The following NAV2 variants were observed in gnomAD, a reference collection of about 807,000 sequenced individuals.
NAV2 encodes helicase, APC down-regulated 1.
NAV2 carries 54 observed loss-of-function variants against 223.2 expected under a neutral mutation model. The observed-to-expected ratio is 0.24, with a 90% CI of 0.19 to 0.30. The LOEUF (loss-of-function observed/expected upper bound fraction) is 0.30. Among genes scored for constraint, NAV2 ranks in the 10% least tolerant of loss-of-function variants. The pLI, the probability that NAV2 is intolerant of heterozygous loss-of-function variation, is 1.00. For missense variants in NAV2, 2,806 were observed against 3,147.5 expected, an observed-to-expected ratio of 0.89 and a Z score of 2.60; for synonymous variants, 1,279 against 1,239.3, an observed-to-expected ratio of 1.03 and a Z score of -0.67.
intron 1 of NAV2, among the ~76,000 whole-genome samples, chr11:19,731,731 C>T (rs1001812359): frequency 2.0e-5 from 3 of 152,184 alleles, no homozygotes; most frequent in African/African-American, 7.2e-5. Context: ...ACCTCTTGAG[C>T]CTTGATTTTC....
chr11:19,581,184 A>C (rs2135021216), intron 1 of NAV2, among the ~76,000 whole-genome samples: 2 of 152,252 alleles, frequency 1.3e-5, no homozygotes, highest in African/African-American at 4.8e-5. Flanking sequence ...TTGTTATATA[A>C]TTGCAAGTAT....
chr11:19,954,260 G>A (rs1472459162), intron 10 of NAV2, among the ~76,000 whole-genome samples: 2 of 152,186 alleles, frequency 1.3e-5, no homozygotes, highest in South Asian at 2.1e-4. Flanking sequence ...AAAACAGGAT[G>A]TAAGCATTTG....
chr11:20,034,150 A>G (rs1298628237), intron 11 of NAV2, among the ~76,000 whole-genome samples: 2 of 152,208 alleles, frequency 1.3e-5, no homozygotes, highest in African/African-American at 4.8e-5. Flanking sequence ...GGCTCGATCA[A>G]GATCCACTCT....
intron 1 of NAV2, among the ~76,000 whole-genome samples, chr11:19,732,208 G>C (rs1235707405): frequency 6.6e-6 from 1 of 150,920 alleles, no homozygotes; most frequent in Non-Finnish European, 1.5e-5. Flanking sequence ...GCAGTGAGAC[G>C]AAATCATGCC....
At position 19,793,311 on chromosome 11, in the gene NAV2, G is replaced by T. The variant is rs150673171; in HGVS notation, c.268-39173G>T. Among the ~76,000 whole-genome samples the T allele has an allele frequency of 2.6e-3, 393 of 150,622 alleles. 2 individuals carry two copies. The highest frequency in any genetic ancestry group is 9.0e-3 in the African/African-American group (369 of 41,096). On this transcript the variant is annotated intron_variant, in intron 1 of 37. Transcript: ENST00000349880. ...GCATGTATCACAACAGCTGATTATT[G>T]TCAAGTTTGAAGATGTCTTTTGTTT...
intron 1 of NAV2, among the ~76,000 whole-genome samples, chr11:19,603,296 C>T (rs1173840695): frequency 3.3e-5 from 5 of 152,088 alleles, no homozygotes; most frequent in Non-Finnish European, 5.9e-5. Flanking sequence ...GTTATAAACA[C>T]CCACTATGTG....
At chr11:19,547,901 A>C (rs1834353427) in intron 1 of NAV2, among the ~76,000 whole-genome samples, 1 of 152,238 alleles carries the variant, frequency 6.6e-6, no homozygotes, top group Non-Finnish European at 1.5e-5. Context: ...CAGTCTGGAT[A>C]GTAAATGTTT....
chr11:19,434,012 G>A (rs922461681), intron 1 of NAV2, among the ~76,000 whole-genome samples: 1 of 152,138 alleles, frequency 6.6e-6, no homozygotes, highest in African/African-American at 2.4e-5. Flanking sequence ...GGAAGTGTAG[G>A]TGCCAGGCTT....
intron 1 of NAV2, among the ~76,000 whole-genome samples, chr11:19,655,187 A>G (rs1208944334): frequency 1.3e-5 from 2 of 152,234 alleles, no homozygotes; most frequent in South Asian, 2.1e-4. Context: ...CAAAACCGCA[A>G]TGAGATACCA....
At chr11:19,997,470 C>T (rs1352361625) in intron 11 of NAV2, among the ~76,000 whole-genome samples, 1 of 152,154 alleles carries the variant, frequency 6.6e-6, no homozygotes, top group Non-Finnish European at 1.5e-5. Flanking sequence ...ATCAGTGGTC[C>T]TAGTCTGAAT....
chr11:19,634,235 G>A (rs1009205158), intron 1 of NAV2, among the ~76,000 whole-genome samples: 6 of 152,192 alleles, frequency 3.9e-5, no homozygotes, highest in African/African-American at 9.7e-5. Context: ...TGAGGGAGGT[G>A]GCATTGAGTA....
intron 1 of NAV2, among the ~76,000 whole-genome samples, chr11:19,403,212 G>A (rs578013499): frequency 2.6e-4 from 40 of 152,334 alleles, no homozygotes; most frequent in African/African-American, 8.4e-4. Context: ...TAAACCAGCA[G>A]CCACTTATGA....
intron 10 of NAV2, 113 bp from the exon 11 acceptor site, chr11:19,984,012 G>A (rs1041798635): frequency 7.8e-5 from 109 of 1,399,082 alleles, no homozygotes; most frequent in Admixed American, 2.8e-4. Flanking sequence ...GGAATCCTCC[G>A]TTTCTTCCCC....
intron 1 of NAV2, among the ~76,000 whole-genome samples, chr11:19,618,486 CTGGATAGATGGATGGA>C (rs2046878552): frequency 8.8e-6 from 1 of 114,004 alleles, no homozygotes; most frequent in Non-Finnish European, 1.8e-5. Flanking sequence ...ATATGGCTGT[CTGGATAGATGGATGGA>C]TGGATGGATG....
chr11:19,775,444 C>T (rs909891669), intron 1 of NAV2, among the ~76,000 whole-genome samples: 3 of 152,156 alleles, frequency 2.0e-5, no homozygotes, highest in South Asian at 4.1e-4. Context: ...GCTGCATGGA[C>T]GGACACTAGG....
chr11:20,029,996 A>T (rs2153554713), intron 11 of NAV2, among the ~76,000 whole-genome samples: 1 of 152,332 alleles, frequency 6.6e-6, no homozygotes, highest in East Asian at 1.9e-4. Context: ...CAAAGAAGTC[A>T]GGTATATCTG....
chr11:20,061,441 C>T lies in NAV2; in HGVS notation c.4832-866C>T, dbSNP rs1019740439. Among the ~76,000 whole-genome samples, 17 of 152,008 alleles carry T rather than the reference C, an allele frequency of 1.1e-4. No individual in the cohort carries two copies. The South Asian group carries it at 2.7e-3, about 24-fold the overall frequency. On this transcript the variant is annotated intron_variant, in intron 19 of 37. Transcript: ENST00000349880. ...AAAACTAGCCAGGCATGGTGGCGCA[C>T]GCCTATAATCCCAGCTACTCAGGAG...
In NAV2 at chr11:19,649,851, T is replaced by C. The variant is rs115849024; in HGVS notation, c.76-182633T>C. Among the ~76,000 whole-genome samples, 264 of 152,298 alleles carry C rather than the reference T, an allele frequency of 1.7e-3. 1 individual carries two copies. Among genetic ancestry groups the C allele is most frequent in the African/African-American group, 6.2e-3 (257 of 41,566 alleles). On this transcript the variant is annotated intron_variant, in intron 1 of 37. Transcript: ENST00000360655. Reference sequence around the variant, plus strand: ...CACATGAAAAGACCCTCAGTATCATTGATAGCCAGGGAAACGCAAAGAAAA... The same window carrying C: ...CACATGAAAAGACCCTCAGTATCATCGATAGCCAGGGAAACGCAAAGAAAA...
chr11:20,050,041 G>A, intron 16 of NAV2, 140 bp downstream of exon 16: 1 of 723,608 alleles, frequency 1.4e-6, no homozygotes, highest in Non-Finnish European at 2.4e-6. Flanking sequence ...TGTGACACAT[G>A]GACATGCCAG....
Sources: gnomAD v4.1 joint callset for allele counts (sites outside exome capture counted in the v4.1 genomes callset) on GRCh38, gnomAD v4.1.1 for gene constraint, MANE v1.5 for transcripts, NCBI Gene and HGNC (gene_info 2026-07-23, HGNC 2026-07-21) for gene names.